Variants in HDAC9 observed in about 807,000 individuals in gnomAD.
HDAC9 encodes the protein MEF-2 interacting transcription repressor (MITR) protein.
Under a neutral mutation model 139.4 loss-of-function variants are expected in HDAC9, and 41 were observed. The ratio of observed to expected loss-of-function variants is 0.29; its 90% confidence interval spans 0.23 to 0.38. HDAC9 has a LOEUF of 0.38. HDAC9 is among the 10% of genes least tolerant of loss of function. The pLI is 1.00. For synonymous variants in HDAC9, 517 were observed against 476.2 expected (o/e 1.09, Z -1.12); for missense variants, 1,147 against 1,297.0 (o/e 0.88, Z 1.78).
intron 1 of HDAC9, among the ~76,000 whole-genome samples, chr7:18,462,971 T>C (rs1257750308): frequency 6.6e-6 from 1 of 152,022 alleles, no homozygotes; most frequent in Non-Finnish European, 1.5e-5. Flanking sequence ...CAATGTATAG[T>C]CCTACTGGTA....
At chr7:18,403,389 T>G (rs1787721154) in intron 1 of HDAC9, among the ~76,000 whole-genome samples, 1 of 152,220 alleles carries the variant, frequency 6.6e-6, no homozygotes, top group South Asian at 2.1e-4. Flanking sequence ...TTAACTATTT[T>G]TAACTATTTC....
At chr7:18,349,971 C>T (rs1055803338) in intron 1 of HDAC9, among the ~76,000 whole-genome samples, 6 of 151,980 alleles carry the variant, frequency 3.9e-5, no homozygotes, top group Admixed American at 6.6e-5. Context: ...CAGAATACTT[C>T]GTTTGTGCCA....
rs113907193 is a variant in HDAC9, at chr7:18,587,956, A to G, written c.265-2380A>G. ...ATTAATTTGACCAACCCAAGTATCT[A>G]TATAGAATTTAACAGTAAGGCAGAA... is the stretch of plus-strand genomic sequence containing the variant. On this transcript the variant is annotated intron_variant, in intron 3 of 25. Transcript: ENST00000686413. Among the ~76,000 whole-genome samples the G allele has an allele frequency of 3.8e-3, 578 of 152,330 alleles. 5 individuals are homozygous for G. The highest frequency in any genetic ancestry group is 0.013 in the African/African-American group (547 of 41,574).
intron 2 of HDAC9, among the ~76,000 whole-genome samples, chr7:18,560,314 G>GA (rs2128703826): frequency 6.6e-6 from 1 of 152,234 alleles, no homozygotes; most frequent in South Asian, 2.1e-4. Context: ...AATTAACTGA[G>GA]AAAAATGGAT....
intron 1 of HDAC9, among the ~76,000 whole-genome samples, chr7:18,375,544 A>G (rs143381092): frequency 2.0e-4 from 30 of 152,168 alleles, no homozygotes; most frequent in African/African-American, 7.0e-4. Flanking sequence ...GCCCTTACTA[A>G]GTTGTCCTTT....
At position 18,314,390 on chromosome 7, in the gene HDAC9, C is replaced by T. The variant is rs192981075; in HGVS notation, c.-42+23875C>T. Among the ~76,000 whole-genome samples, 151 of 152,180 alleles carry T rather than the reference C, an allele frequency of 9.9e-4. 1 individual carries two copies. Among genetic ancestry groups the T allele is most frequent in the East Asian group, 2.1e-3 (11 of 5,182 alleles). ...CCCAAGACAGAAAAACAGGAAAAGT[C>T]GGGGAGATAAATTATAAATTAGACT... On this transcript the variant is annotated intron_variant, in intron 1 of 3. Transcript: ENST00000413509.
At chr7:18,742,854 A>G (rs1787583717) in intron 13 of HDAC9, among the ~76,000 whole-genome samples, 1 of 152,078 alleles carries the variant, frequency 6.6e-6, no homozygotes, top group Non-Finnish European at 1.5e-5. Context: ...TGTTTATCAT[A>G]TCCAGTTTTA....
At chr7:18,605,328 A>G (rs1013558904) in intron 6 of HDAC9, among the ~76,000 whole-genome samples, 1 of 152,142 alleles carries the variant, frequency 6.6e-6, no homozygotes, top group Admixed American at 6.5e-5. Context: ...GTATGCTGTG[A>G]TCCCTTGAAC....
chr7:18,434,766 A>G (rs1562983575), intron 1 of HDAC9, among the ~76,000 whole-genome samples: 1 of 152,216 alleles, frequency 6.6e-6, no homozygotes, highest in African/African-American at 2.4e-5. Flanking sequence ...CTGTGGAGAA[A>G]AAGGAACACT....
intron 22 of HDAC9, among the ~76,000 whole-genome samples, chr7:18,926,623 TGGATGGAG>T (rs575708619): frequency 2.5e-3 from 376 of 152,238 alleles, no homozygotes; most frequent in Middle Eastern, 0.014. Flanking sequence ...GGATCGTAGA[TGGATGGAG>T]GGATGGGTGA....
intron 1 of HDAC9, among the ~76,000 whole-genome samples, chr7:18,149,053 A>G (rs1407113951): frequency 6.6e-6 from 1 of 152,156 alleles, no homozygotes; most frequent in Non-Finnish European, 1.5e-5. Context: ...TGTCTCTGAA[A>G]GTGTATGAAA....
intron 1 of HDAC9, among the ~76,000 whole-genome samples, chr7:18,479,957 T>C (rs1414327017): frequency 6.6e-6 from 1 of 151,324 alleles, no homozygotes; most frequent in African/African-American, 2.4e-5. Flanking sequence ...TTCTTCTTTC[T>C]CCTTTATTTT....
intron 21 of HDAC9, among the ~76,000 whole-genome samples, chr7:18,852,286 T>G (rs948047213): frequency 1.3e-5 from 2 of 152,122 alleles, no homozygotes; most frequent in Admixed American, 6.5e-5. Flanking sequence ...GACCATGCAC[T>G]AGGAGAACAA....
At chr7:18,183,953 C>T (rs1216891798) in intron 2 of HDAC9, among the ~76,000 whole-genome samples, 2 of 152,040 alleles carry the variant, frequency 1.3e-5, no homozygotes, top group African/African-American at 4.8e-5. Context: ...TTAAATAATC[C>T]AGGAAAATAA....
intron 17 of HDAC9, among the ~76,000 whole-genome samples, chr7:18,800,567 G>T (rs1413062482): frequency 1.3e-5 from 2 of 152,104 alleles, no homozygotes; most frequent in Non-Finnish European, 2.9e-5. Context: ...GGATGGCGGT[G>T]CATGCCTGTA....
At chr7:18,622,957 A>C (rs1359274648) in intron 6 of HDAC9, among the ~76,000 whole-genome samples, 2 of 151,864 alleles carry the variant, frequency 1.3e-5, no homozygotes, top group East Asian at 3.9e-4. Flanking sequence ...CAGCTTGGAC[A>C]ATGTGGCAAA....
chr7:18,504,562 C>T (rs956671870), intron 2 of HDAC9, among the ~76,000 whole-genome samples: 30 of 152,380 alleles, frequency 2.0e-4, no homozygotes, highest in African/African-American at 7.2e-4. Flanking sequence ...GCCTTGGCCT[C>T]CCAAACTGCT....
intron 2 of HDAC9, among the ~76,000 whole-genome samples, chr7:18,246,898 G>T (rs7783251): frequency 0.017 from 2,590 of 152,084 alleles, 73 homozygotes; most frequent in African/African-American, 0.058. Context: ...AGAAGGAATT[G>T]AATTTTAGTA....
At chr7:18,894,220 T>C (rs1421976450) in intron 22 of HDAC9, among the ~76,000 whole-genome samples, 3 of 152,086 alleles carry the variant, frequency 2.0e-5, no homozygotes, top group African/African-American at 4.8e-5. Flanking sequence ...TTAGTTGTTA[T>C]CAGCATATAG....
Sources: allele counts gnomAD v4.1 joint callset (sites outside exome capture counted in the v4.1 genomes callset), GRCh38; gene constraint gnomAD v4.1.1; transcripts MANE v1.5; gene names NCBI Gene and HGNC (gene_info 2026-07-23, HGNC 2026-07-21).